The following HS3ST4 variants were observed in gnomAD, a reference collection of about 807,000 sequenced individuals.
HS3ST4 encodes the protein heparan sulfate glucosamine 3-O-sulfotransferase 4.
HS3ST4 carries 17 observed loss-of-function variants against 29.2 expected under a neutral mutation model. The ratio of observed to expected loss-of-function variants is 0.58; its 90% CI spans 0.40 to 0.87. The LOEUF (loss-of-function observed/expected upper bound fraction) is 0.87. Among genes scored for constraint, HS3ST4 ranks in the 40% least tolerant of loss-of-function variants. The pLI, the probability that HS3ST4 is intolerant of heterozygous loss-of-function variation, is 0.00. For synonymous variants in HS3ST4, 314 were observed against 285.7 expected, an observed-to-expected ratio of 1.10 and a Z score of -1.00; for missense variants, 627 against 634.5, an observed-to-expected ratio of 0.99 and a Z score of 0.13.
intron 1 of HS3ST4, among the ~76,000 whole-genome samples, chr16:25,703,169 A>G (rs1486210532): frequency 6.6e-6 from 1 of 152,068 alleles, no homozygotes; most frequent in East Asian, 1.9e-4. Context: ...CTCAAAACAA[A>G]CAAACAAAAA....
At chr16:25,986,254 CTGTTTT>C (rs550325015) in intron 1 of HS3ST4, among the ~76,000 whole-genome samples, 2 of 152,306 alleles carry the variant, frequency 1.3e-5, no homozygotes, top group Admixed American at 1.3e-4. Flanking sequence ...TAGGTTGCTT[CTGTTTT>C]TATTACTGCC....
intron 1 of HS3ST4, among the ~76,000 whole-genome samples, chr16:25,814,705 A>G (rs1967076083): frequency 6.6e-6 from 1 of 152,204 alleles, no homozygotes; most frequent in Non-Finnish European, 1.5e-5. Flanking sequence ...ACAAGTTCAC[A>G]TAGTCAATGG....
chr16:25,751,697 A>T (rs1214541788), intron 1 of HS3ST4, among the ~76,000 whole-genome samples: 1 of 152,198 alleles, frequency 6.6e-6, no homozygotes, highest in African/African-American at 2.4e-5. Flanking sequence ...AGTGGAAAAA[A>T]TAAAAAGGGC....
In HS3ST4 at chr16:25,947,730, A is replaced by C. The variant is rs568274355; in HGVS notation, c.735-187882A>C. 5.3e-5 allele frequency among the ~76,000 whole-genome samples: 8 copies of C among 152,286 alleles called. 1 individual carries two copies. The South Asian group carries it at 1.7e-3, about 32-fold the overall frequency. ...GGAAGGATGGAAGAATTTTGAATTA[A>C]TAATGCAACCAATTGCACTTGCTCT... On this transcript the variant is annotated intron_variant, in intron 1 of 1. Coordinates refer to ENST00000331351, the MANE Select transcript of HS3ST4 (RefSeq NM_006040.3).
intron 1 of HS3ST4, among the ~76,000 whole-genome samples, chr16:25,956,817 T>C (rs1252721867): frequency 6.6e-6 from 1 of 151,848 alleles, no homozygotes. Flanking sequence ...GCTAACACGA[T>C]GAAACCCCAT....
intron 1 of HS3ST4, among the ~76,000 whole-genome samples, chr16:25,945,042 G>A (rs1223795393): frequency 1.3e-5 from 2 of 152,132 alleles, no homozygotes; most frequent in Non-Finnish European, 2.9e-5. Flanking sequence ...ATATTAGATA[G>A]TGCTAAAATT....
At chr16:25,796,149 G>T (rs1966884797) in intron 1 of HS3ST4, among the ~76,000 whole-genome samples, 1 of 151,986 alleles carries the variant, frequency 6.6e-6, no homozygotes, top group South Asian at 2.1e-4. Flanking sequence ...TCGTGCAATT[G>T]CCTATCTCTT....
intron 1 of HS3ST4, among the ~76,000 whole-genome samples, chr16:25,968,763 A>G (rs188828315): frequency 1.3e-5 from 2 of 152,304 alleles, no homozygotes; most frequent in Admixed American, 6.5e-5. Flanking sequence ...TAATACAGGT[A>G]AGGTGCACAG....
chr16:25,853,631 A>G (rs1333208489), intron 1 of HS3ST4, among the ~76,000 whole-genome samples: 1 of 152,184 alleles, frequency 6.6e-6, no homozygotes, highest in African/African-American at 2.4e-5. Flanking sequence ...GTTTTATGCA[A>G]TGCTTTTTTC....
rs989530065 is a variant in HS3ST4 at position 25,948,648 on chromosome 16, A to T, written c.735-186964A>T. Reference sequence around the variant, plus strand: ...TGATTCTTGAGTTTAGGTATGGTGTAAAACTCCAGGCATTCCGTAAATGTT... The same window carrying T: ...TGATTCTTGAGTTTAGGTATGGTGTTAAACTCCAGGCATTCCGTAAATGTT... On this transcript the variant is annotated intron_variant, in intron 1 of 1. Transcript: ENST00000331351. Among the ~76,000 whole-genome samples the T allele has an allele frequency of 7.9e-5, 12 of 152,176 alleles. No homozygotes were observed. In the East Asian group the frequency reaches 2.3e-3, roughly 29 times the overall value.
chr16:25,726,395 A>G (rs1401880590), intron 1 of HS3ST4, among the ~76,000 whole-genome samples: 1 of 152,126 alleles, frequency 6.6e-6, no homozygotes, highest in Admixed American at 6.6e-5. Context: ...AATTGCTTTC[A>G]ATGTTTTTCT....
At chr16:25,835,939 A>G (rs1388884559) in intron 1 of HS3ST4, among the ~76,000 whole-genome samples, 1 of 152,190 alleles carries the variant, frequency 6.6e-6, no homozygotes, top group Admixed American at 6.5e-5. Context: ...GGACTGAGGA[A>G]AGGGAAATAG....
intron 1 of HS3ST4, among the ~76,000 whole-genome samples, chr16:25,901,535 G>A (rs531201764): frequency 6.6e-6 from 1 of 152,292 alleles, no homozygotes; most frequent in African/African-American, 2.4e-5. Context: ...GCCAGGCGTG[G>A]TGGCTGGTGC....
At chr16:26,029,926 CACTG>C (rs1332723528) in intron 1 of HS3ST4, among the ~76,000 whole-genome samples, 2 of 152,220 alleles carry the variant, frequency 1.3e-5, no homozygotes, top group African/African-American at 4.8e-5. Flanking sequence ...CCTCTGCACA[CACTG>C]ACCTCTTTGC....
At chr16:26,012,038 T>TC (rs1969315903) in intron 1 of HS3ST4, among the ~76,000 whole-genome samples, 2 of 152,186 alleles carry the variant, frequency 1.3e-5, no homozygotes, top group African/African-American at 4.8e-5. Context: ...GAATAATCGA[T>TC]TAATGCTCCT....
chr16:26,066,703 G>A (rs1211362159), intron 1 of HS3ST4, among the ~76,000 whole-genome samples: 4 of 152,214 alleles, frequency 2.6e-5, no homozygotes, highest in Non-Finnish European at 5.9e-5. Flanking sequence ...GTGCAGAAGA[G>A]CAGGTAGAAT....
intron 1 of HS3ST4, among the ~76,000 whole-genome samples, chr16:25,955,763 A>G (rs1968725704): frequency 1.3e-5 from 2 of 151,632 alleles, no homozygotes; most frequent in Admixed American, 1.3e-4. Context: ...ATGGTTCTGT[A>G]GCTTGCAGTG....
chr16:25,907,085 G>A (rs1052497582), intron 1 of HS3ST4, among the ~76,000 whole-genome samples: 6 of 152,082 alleles, frequency 3.9e-5, no homozygotes, highest in African/African-American at 1.2e-4. Context: ...TAGTCCTAGC[G>A]ACTAGAGAGG....
At chr16:26,129,507 A>AT (rs1300181008) in intron 1 of HS3ST4, among the ~76,000 whole-genome samples, 2 of 152,230 alleles carry the variant, frequency 1.3e-5, no homozygotes, top group Admixed American at 1.3e-4. Context: ...ATAAAACCTT[A>AT]TTTAAAGAGT....
Sources: allele counts gnomAD v4.1 joint callset (sites outside exome capture counted in the v4.1 genomes callset), GRCh38; gene constraint gnomAD v4.1.1; transcripts MANE v1.5; gene names NCBI Gene and HGNC (gene_info 2026-07-23, HGNC 2026-07-21).